Variants in ARHGEF4 observed in about 807,000 individuals in gnomAD.
ARHGEF4 encodes APC-stimulated guanine nucleotide exchange factor 1.
A neutral mutation model predicts 162.0 loss-of-function variants in ARHGEF4; 119 were observed. The ratio of observed to expected loss-of-function variants is 0.73; its 90% CI spans 0.63 to 0.86. The LOEUF (loss-of-function observed/expected upper bound fraction) is 0.86, where lower values mean the gene tolerates loss of function less well. Ranked by LOEUF, ARHGEF4 falls within the 40% of genes least tolerant of loss-of-function variation. The probability of loss-of-function intolerance (pLI) is 0.00; values close to 1 mark genes in which losing one functional copy is unlikely to be tolerated. For missense variants in ARHGEF4, 2,488 were observed against 2,456.0 expected, an observed-to-expected ratio of 1.01 and a Z score of -0.28; for synonymous variants, 1,014 against 979.9, an observed-to-expected ratio of 1.03 and a Z score of -0.65.
chr2:131,044,610 C>T (rs1691092422), intron 12 of ARHGEF4, 68 bp downstream of exon 12: 3 of 1,514,372 alleles, frequency 2.0e-6, no homozygotes, highest in South Asian at 1.3e-5. Flanking sequence ...GCCTGGCCGC[C>T]TGCCGGTCAG....
intron 4 of ARHGEF4, among the ~76,000 whole-genome samples, chr2:130,955,056 A>G (rs1354471252): frequency 6.6e-6 from 1 of 152,026 alleles, no homozygotes; most frequent in African/African-American, 2.4e-5. Context: ...CATCTATTCA[A>G]ACCAGCTGTT....
In ARHGEF4 at chr2:130,849,032, G is replaced by A. The variant is rs532435803; in HGVS notation, c.39+12040G>A. Among the ~76,000 whole-genome samples, 6 of 151,348 alleles carry A rather than the reference G, an allele frequency of 4.0e-5. No individual in the cohort carries two copies. In the South Asian group the frequency reaches 6.3e-4, roughly 16 times the overall value. On this transcript the variant is annotated intron_variant, in intron 1 of 13. Transcript: ENST00000409359. ...CACCCCCCAGTGGCAGAGGAGGAGA[G>A]GACAGCTGTGGGGACTCCCCTGCTG...
At chr2:131,031,540 C>T (rs904833767) in intron 5 of ARHGEF4, among the ~76,000 whole-genome samples, 2 of 152,256 alleles carry the variant, frequency 1.3e-5, no homozygotes, top group Non-Finnish European at 2.9e-5. Context: ...CAGGCCGTGT[C>T]TGTGTGGGCC....
At chr2:131,012,419 A>G (rs556750396) in intron 4 of ARHGEF4, among the ~76,000 whole-genome samples, 1 of 152,310 alleles carries the variant, frequency 6.6e-6, no homozygotes, top group South Asian at 2.1e-4. Context: ...GAAATGTGCA[A>G]ATACCCAAAA....
intron 1 of ARHGEF4, among the ~76,000 whole-genome samples, chr2:130,910,084 T>C (rs1681080983): frequency 6.6e-6 from 1 of 151,972 alleles, no homozygotes; most frequent in African/African-American, 2.4e-5. Context: ...AGGGATAGCA[T>C]TAGGAGAAAT....
At chr2:130,889,937 A>G (rs1679762024) in intron 1 of ARHGEF4, among the ~76,000 whole-genome samples, 1 of 151,072 alleles carries the variant, frequency 6.6e-6, no homozygotes, top group African/African-American at 2.4e-5. Context: ...TCTGGCTCCT[A>G]TTGATGCTCT....
Position 131,043,558 on chromosome 2 carries a change from A to AC in ARHGEF4, c.5134dup (p.His1712ProfsTer7). ...CAGCAGCGAATGTTCTTTCTCTTTG[A>AC]CCACCAGCTCATCTACTGTAAGAAG... On this transcript the variant is annotated frameshift_variant, in exon 11 of 14. Coordinates refer to ENST00000409359, the MANE Select transcript of ARHGEF4 (RefSeq NM_001367493.1). LOFTEE classifies it high-confidence loss of function. The AC allele has an allele frequency of 1.9e-6, 3 of 1,614,020 alleles. No individual in the cohort carries two copies. Among genetic ancestry groups the AC allele is most frequent in the Non-Finnish European group, 2.5e-6 (3 of 1,180,000 alleles).
intron 4 of ARHGEF4, among the ~76,000 whole-genome samples, chr2:130,995,879 A>G (rs1292644341): frequency 6.9e-6 from 1 of 145,250 alleles, no homozygotes; most frequent in Non-Finnish European, 1.5e-5. Flanking sequence ...TATTAAAAGT[A>G]TTATTCACCT....
At chr2:131,006,542 T>C (rs1033248782) in intron 4 of ARHGEF4, among the ~76,000 whole-genome samples, 1 of 152,204 alleles carries the variant, frequency 6.6e-6, no homozygotes, top group African/African-American at 2.4e-5. Flanking sequence ...CAGGAGCCGT[T>C]TGTCTACTAT....
intron 4 of ARHGEF4, among the ~76,000 whole-genome samples, chr2:131,019,176 G>GCTGAGGTGGGTGGATCAC (rs1414873247): frequency 6.6e-6 from 1 of 152,130 alleles, no homozygotes; most frequent in East Asian, 1.9e-4. Context: ...ATTTTGGGAG[G>GCTGAGGTGGGTGGATCAC]CTGAGGTGGG....
chr2:130,962,232 C>G (rs1178722238), intron 4 of ARHGEF4, among the ~76,000 whole-genome samples: 2 of 75,730 alleles, frequency 2.6e-5, no homozygotes, highest in African/African-American at 7.5e-5. Flanking sequence ...AGCAAGTTTC[C>G]GTTTCAAAAA....
At chr2:130,995,888 C>CTT (rs1184456550) in intron 4 of ARHGEF4, among the ~76,000 whole-genome samples, 37 of 136,880 alleles carry the variant, frequency 2.7e-4, no homozygotes, top group Admixed American at 5.2e-4. Context: ...TATTATTCAC[C>CTT]TTTTTTTTTT....
At chr2:130,886,680 CA>C (rs36062652) in intron 1 of ARHGEF4, among the ~76,000 whole-genome samples, 26,254 of 104,676 alleles carry the variant, frequency 0.25, 2,816 homozygotes, top group African/African-American at 0.38. Flanking sequence ...GACTCTGTCT[CA>C]AAAAAAAAAA....
chr2:131,045,926 C>A (rs781608089), intron 13 of ARHGEF4, 112 bp from the exon 14 acceptor site: 1 of 1,501,442 alleles, frequency 6.7e-7, no homozygotes, highest in Non-Finnish European at 8.9e-7. Context: ...AAAACTGCCT[C>A]CTACGGCGGC....
At chr2:130,976,349 C>CTGTGTGTGTG (rs70994727) in intron 4 of ARHGEF4, among the ~76,000 whole-genome samples, 17 of 148,088 alleles carry the variant, frequency 1.1e-4, no homozygotes, top group African/African-American at 2.8e-4. Context: ...GTGTGTGTGT[C>CTGTGTGTGTG]TGTGTGTGTG....
At chr2:130,992,353 A>G (rs1469444789) in intron 4 of ARHGEF4, among the ~76,000 whole-genome samples, 6 of 151,564 alleles carry the variant, frequency 4.0e-5, no homozygotes, top group Non-Finnish European at 7.4e-5. Flanking sequence ...GCTACTGCTC[A>G]CTCTTTGGGT....
In ARHGEF4 at chr2:130,915,324, T is replaced by C. The variant is rs1270737335; in HGVS notation, c.1378T>C (p.Cys460Arg). ...SAEEVPEPAE[C>R]KSEQSPESRT... is the part of the protein sequence containing the mutation. ...AGAGGAAGTGCCTGAGCCCGCTGAG[T>C]GCAAGTCAGAGCAAAGCCCAGAAAG... The change falls in exon 2 of 14, where the codon TGC (cysteine) becomes CGC (arginine). Residue 460 changes from cysteine (C) to arginine (R), a missense_variant. This residue lies in a region of ARHGEF4 where 1,642 missense variants were observed against 1,481.5 expected (regional missense o/e 1.11). Transcript: ENST00000409359. The C allele has an allele frequency of 6.5e-7, 1 of 1,550,206 alleles. No homozygotes were observed. The highest frequency in any genetic ancestry group is 8.7e-7 in the Non-Finnish European group (1 of 1,146,918).
rs1681368261 is a variant in ARHGEF4 at position 130,914,404 on chromosome 2, C to G, written c.458C>G (p.Ala153Gly). The G allele has an allele frequency of 6.9e-7, 1 of 1,443,622 alleles. No individual in the cohort carries two copies. Among genetic ancestry groups the G allele is most frequent in the African/African-American group, 1.4e-5 (1 of 70,078 alleles). The allele number at this position is 1,443,622 out of a possible 1,614,324, so 89.4% of individuals were successfully genotyped here. Residue 153 changes from alanine to glycine, a missense_variant, in exon 2 of 14, where the codon GCT becomes GGT. This residue lies in a region of ARHGEF4 where 81 missense variants were observed against 125.8 expected (regional missense o/e 0.64). Transcript: ENST00000409359. ...KNGWRAFATV[A>G]GEQEAGHLWD... is the part of the protein sequence containing the mutation. ...GGGTGGCGAGCCTTTGCCACAGTTG[C>G]TGGAGAACAGGAGGCAGGACACCTC... is the stretch of plus-strand genomic sequence containing the variant.
intron 1 of ARHGEF4, among the ~76,000 whole-genome samples, chr2:130,868,829 G>C (rs1682481903): frequency 6.6e-6 from 1 of 152,186 alleles, no homozygotes; most frequent in Admixed American, 6.5e-5. Context: ...GGGCTGGTTC[G>C]TTCTGGAAGC....
Sources: gnomAD v4.1 joint callset for allele counts (sites outside exome capture counted in the v4.1 genomes callset) on GRCh38, gnomAD v4.1.1 for gene constraint, gnomAD v4.1.1 regional missense constraint, MANE v1.5 for transcripts, NCBI Gene and HGNC (gene_info 2026-07-23, HGNC 2026-07-21) for gene names.